PLPP4: variants seen among roughly 807,000 people sequenced by gnomAD.
The protein encoded by PLPP4 is diacylglycerol pyrophosphate like 2.
A neutral mutation model predicts 32.2 loss-of-function variants in PLPP4; 20 were observed. The observed-to-expected ratio is 0.62, with a 90% CI of 0.44 to 0.90. The LOEUF is 0.90. Among genes scored for constraint, PLPP4 ranks in the 40% least tolerant of loss-of-function variants. The pLI, the probability that PLPP4 is intolerant of heterozygous loss-of-function variation, is 0.00. For missense variants in PLPP4, 257 were observed against 353.1 expected (o/e 0.73, Z 2.18); for synonymous variants, 127 against 133.0 (o/e 0.95, Z 0.31).
At chr10:120,559,643 G>A (rs1848328566) in intron 5 of PLPP4, among the ~76,000 whole-genome samples, 1 of 151,530 alleles carries the variant, frequency 6.6e-6, no homozygotes, top group Non-Finnish European at 1.5e-5. Context: ...TGAATATATT[G>A]AAAATTTTGG....
chr10:120,580,712 C>T (rs1160089214), intron 6 of PLPP4, among the ~76,000 whole-genome samples: 1 of 149,798 alleles, frequency 6.7e-6, no homozygotes, highest in Non-Finnish European at 1.5e-5. Flanking sequence ...ATAAGCAGGC[C>T]TCCCTTGTGC....
At chr10:120,518,678 A>T (rs529643492) in intron 3 of PLPP4, among the ~76,000 whole-genome samples, 155 bp from the exon 4 acceptor site, 2 of 152,112 alleles carry the variant, frequency 1.3e-5, no homozygotes, top group Non-Finnish European at 2.9e-5. Flanking sequence ...CTCTCTAGCA[A>T]CCCAAACGTA....
At chr10:120,504,075 T>C (rs1845389212) in intron 2 of PLPP4, 149 bp downstream of exon 2, 1 of 626,596 alleles carries the variant, frequency 1.6e-6, no homozygotes, top group Admixed American at 2.9e-5. Flanking sequence ...TCCAGTTCCA[T>C]GTCATGATAA....
At chr10:120,489,504 A>G (rs1844611596) in intron 1 of PLPP4, among the ~76,000 whole-genome samples, 1 of 152,300 alleles carries the variant, frequency 6.6e-6, no homozygotes, top group Middle Eastern at 3.4e-3. Context: ...GTCACACTGC[A>G]CAACTGCGGT....
At chr10:120,459,272 A>G (rs967555778) in intron 1 of PLPP4, among the ~76,000 whole-genome samples, 6 of 152,266 alleles carry the variant, frequency 3.9e-5, no homozygotes, top group African/African-American at 1.4e-4. Flanking sequence ...GCATTTTTGG[A>G]TGACTCCCAG....
At chr10:120,496,076 C>A (rs1329168136) in intron 1 of PLPP4, among the ~76,000 whole-genome samples, 1 of 152,142 alleles carries the variant, frequency 6.6e-6, no homozygotes, top group Non-Finnish European at 1.5e-5. Flanking sequence ...TCAGTATAAT[C>A]TTTTGTTATT....
chr10:120,495,050 G>A (rs536343190), intron 1 of PLPP4, among the ~76,000 whole-genome samples: 285 of 152,282 alleles, frequency 1.9e-3, no homozygotes, highest in Non-Finnish European at 3.3e-3. Flanking sequence ...TTCCTTAAAA[G>A]TCCAGTGCAT....
intron 1 of PLPP4, among the ~76,000 whole-genome samples, chr10:120,458,591 A>G (rs2133762417): frequency 6.6e-6 from 1 of 152,202 alleles, no homozygotes; most frequent in South Asian, 2.1e-4. Context: ...GTATTTATTC[A>G]CACCATCAGA....
At chr10:120,493,894 C>T (rs112627374) in intron 1 of PLPP4, among the ~76,000 whole-genome samples, 3 of 152,222 alleles carry the variant, frequency 2.0e-5, no homozygotes, top group African/African-American at 7.2e-5. Flanking sequence ...ACAGAGTGAA[C>T]AGCCAGGGAC....
At chr10:120,503,515 A>G in intron 1 of PLPP4, 2 of 1,577,842 alleles carry the variant, frequency 1.3e-6, no homozygotes, top group Non-Finnish European at 1.7e-6. Context: ...TTCTGACTTC[A>G]GTTTCCAGTT....
chr10:120,539,891 A>G (rs926696729), intron 5 of PLPP4, among the ~76,000 whole-genome samples: 1 of 151,868 alleles, frequency 6.6e-6, no homozygotes, highest in African/African-American at 2.4e-5. Context: ...AAAAACAATA[A>G]TTACTTTTGT....
Position 120,563,342 on chromosome 10 carries a change from C to G in PLPP4, c.446-11789C>G, listed in dbSNP as rs112717158. On this transcript the variant is annotated intron_variant, in intron 5 of 6. Coordinates refer to ENST00000398250, the MANE Select transcript of PLPP4 (RefSeq NM_001030059.3). ...TGGAAAATATATAAGACTTGAATAT[C>G]ATAGTTAACAAGCTTCATAGAATAA... Among the ~76,000 whole-genome samples the G allele has an allele frequency of 8.2e-3, 1,246 of 152,242 alleles. 23 individuals carry two copies. The highest frequency in any genetic ancestry group is 0.029 in the African/African-American group (1,197 of 41,542).
chr10:120,532,647 C>G (rs771631305), intron 5 of PLPP4, among the ~76,000 whole-genome samples: 3 of 152,128 alleles, frequency 2.0e-5, no homozygotes, highest in Non-Finnish European at 2.9e-5. Flanking sequence ...TTCTCTATCC[C>G]CAGACCTAAA....
intron 5 of PLPP4, among the ~76,000 whole-genome samples, chr10:120,531,829 A>T (rs1287825979): frequency 6.6e-6 from 1 of 151,728 alleles, no homozygotes; most frequent in African/African-American, 2.4e-5. Context: ...ATATATATGT[A>T]CACACACTAC....
At chr10:120,501,368 C>T (rs55675926) in intron 1 of PLPP4, among the ~76,000 whole-genome samples, 1 of 151,940 alleles carries the variant, frequency 6.6e-6, no homozygotes, top group Non-Finnish European at 1.5e-5. Context: ...AAACAAAGAC[C>T]GAAAACTGTC....
At chr10:120,479,975 G>A (rs1290044859) in intron 1 of PLPP4, among the ~76,000 whole-genome samples, 1 of 152,192 alleles carries the variant, frequency 6.6e-6, no homozygotes, top group Non-Finnish European at 1.5e-5. Context: ...GTTAGTTTCT[G>A]TTTCTGATTT....
intron 5 of PLPP4, among the ~76,000 whole-genome samples, chr10:120,522,809 T>C (rs1846213505): frequency 6.6e-6 from 1 of 152,190 alleles, no homozygotes. Flanking sequence ...ATGAGATGGA[T>C]ATGGTAACTT....
At chr10:120,523,369 C>T (rs1846250736) in intron 5 of PLPP4, among the ~76,000 whole-genome samples, 1 of 151,966 alleles carries the variant, frequency 6.6e-6, no homozygotes. Flanking sequence ...TACGGCAGAA[C>T]ACCCGTTTGG....
intron 2 of PLPP4, among the ~76,000 whole-genome samples, chr10:120,512,800 A>G (rs999128502): frequency 1.3e-5 from 2 of 152,182 alleles, no homozygotes; most frequent in African/African-American, 4.8e-5. Context: ...TGACAGAGTG[A>G]GACTCTATCT....
Sources: gnomAD v4.1 joint callset for allele counts (sites outside exome capture counted in the v4.1 genomes callset) on GRCh38, gnomAD v4.1.1 for gene constraint, MANE v1.5 for transcripts, NCBI Gene and HGNC (gene_info 2026-07-23, HGNC 2026-07-21) for gene names.